Variants in ANO2 observed in about 807,000 individuals in gnomAD.
The protein encoded by ANO2 is anoctamin-2.
Under a neutral mutation model 124.2 loss-of-function variants are expected in ANO2, and 101 were observed. The observed-to-expected ratio is 0.81, with a 90% CI of 0.69 to 0.96. ANO2 has a LOEUF of 0.96. Ranked by LOEUF, ANO2 falls within the 40% of genes least tolerant of loss-of-function variation. ANO2 has a pLI of 0.00. For missense variants in ANO2, 1,293 were observed against 1,274.5 expected (o/e 1.01, Z -0.22); for synonymous variants, 486 against 482.5 (o/e 1.01, Z -0.09).
At chr12:5,762,800 A>G (rs757296434) in intron 10 of ANO2, among the ~76,000 whole-genome samples, 1 of 151,806 alleles carries the variant, frequency 6.6e-6, no homozygotes, top group Non-Finnish European at 1.5e-5. Context: ...TTAAACTGTC[A>G]AGACTTTCTT....
Position 5,575,753 on chromosome 12 carries a change from TGTAATTCTAGGTC to T in ANO2, c.2621+68_2621+80del, listed in dbSNP as rs1483356531. 2.7e-6 allele frequency: 4 copies of T among 1,466,876 alleles called. No homozygotes were observed. In the East Asian group the frequency reaches 9.3e-5, roughly 34 times the overall value. 90.9% of individuals were successfully genotyped at this position (1,466,876 alleles called of 1,614,324 possible). A position where few individuals can be genotyped will look rare whatever the true frequency, so the allele number is the denominator to read the frequency against. ...AAAACATCATCATGTTGTGCAGGGTTGTAATTCTAGGTCGTCCCCGTAATTATTTGGATCTATT... is the reference window on the plus strand; with the variant it reads ...AAAACATCATCATGTTGTGCAGGGTTGTCCCCGTAATTATTTGGATCTATT... On this transcript the variant is annotated intron_variant, in intron 23 of 24. Transcript: ENST00000682330.
In ANO2 at chr12:5,583,096, C is replaced by T. The variant is rs190419443; in HGVS notation, c.2234-4578G>A. ...TGTGGTGCCTATCACATAGCAGATG[C>T]TCAAAGATTATCTGTTTCATAAATC... On this transcript the variant is annotated intron_variant, in intron 20 of 24. Transcript: ENST00000682330. 5.1e-3 allele frequency among the ~76,000 whole-genome samples: 781 copies of T among 152,314 alleles called. 6 individuals are homozygous for T. Among genetic ancestry groups the T allele is most frequent in the African/African-American group, 0.018 (736 of 41,582 alleles).
Position 5,787,314 on chromosome 12 carries a change from C to T in ANO2, c.1055+12193G>A, listed in dbSNP as rs1952566649. Among the ~76,000 whole-genome samples the T allele has an allele frequency of 6.6e-6, 1 of 152,154 alleles. No homozygotes were observed. The highest frequency in any genetic ancestry group is 2.4e-5 in the African/African-American group (1 of 41,430). On this transcript the variant is annotated intron_variant, in intron 10 of 24. Coordinates refer to ENST00000682330, the MANE Select transcript of ANO2 (RefSeq NM_001364791.2). The surrounding 1 kb of genome is among the most constrained non-coding windows in gnomAD (Gnocchi z 4.2). ...ATAAGCCAAACCTTTCAATGATGTA[C>T]CCTTTCCTTAGGGTACGGTCCAAAA...
At position 5,873,482 on chromosome 12, in the gene ANO2, C is replaced by T. The variant is rs1243589863; in HGVS notation, c.535-19341G>A. Among the ~76,000 whole-genome samples the T allele has an allele frequency of 2.6e-5, 4 of 152,218 alleles. 1 individual carries two copies. The South Asian group carries it at 8.3e-4, about 32-fold the overall frequency. ...CCAGGACCCGTCCACATCCCCAACC[C>T]GTCCCTGCCTCGCTGGAGGAATTTG... On this transcript the variant is annotated intron_variant, in intron 3 of 24. Coordinates refer to ENST00000682330, the MANE Select transcript of ANO2 (RefSeq NM_001364791.2).
intron 14 of ANO2, among the ~76,000 whole-genome samples, chr12:5,656,147 G>T (rs1454051003): frequency 6.6e-6 from 1 of 152,176 alleles, no homozygotes; most frequent in African/African-American, 2.4e-5. Context: ...AGGGAACACA[G>T]GGTTGCAGTG....
At position 5,683,903 on chromosome 12, in the gene ANO2, A is replaced by G. The variant is rs114141283; in HGVS notation, c.1546-36102T>C. Among the ~76,000 whole-genome samples the G allele has an allele frequency of 7.0e-3, 1,059 of 150,962 alleles. 13 individuals carry two copies. Among genetic ancestry groups the G allele is most frequent in the African/African-American group, 0.025 (1,031 of 40,728 alleles). On this transcript the variant is annotated intron_variant, in intron 14 of 24. Coordinates refer to ENST00000682330, the MANE Select transcript of ANO2 (RefSeq NM_001364791.2). ...TGGCTCTTCCAAGGCTCAGCCTCCA[A>G]GCTGTCTTGTCTCCCCTCCTACTTT...
chr12:5,923,078 A>ACATACACG (rs1941811803), intron 1 of ANO2, among the ~76,000 whole-genome samples: 1 of 22,282 alleles, frequency 4.5e-5, no homozygotes, highest in Admixed American at 7.4e-4. Flanking sequence ...ACACATGCAC[A>ACATACACG]CATACACACA....
At chr12:5,924,483 C>T (rs114725896) in intron 1 of ANO2, among the ~76,000 whole-genome samples, 4,139 of 152,206 alleles carry the variant, frequency 0.027, 192 homozygotes, top group African/African-American at 0.094. Flanking sequence ...CCAGGAGGCA[C>T]GGGAGGCACT....
chr12:5,907,419 C>T (rs553516647), intron 3 of ANO2, among the ~76,000 whole-genome samples: 3 of 152,204 alleles, frequency 2.0e-5, no homozygotes. Flanking sequence ...TTCAAATAAC[C>T]AGTATTTGTG....
At chr12:5,657,849 TCTGA>T (rs1947238802) in intron 14 of ANO2, among the ~76,000 whole-genome samples, 1 of 152,160 alleles carries the variant, frequency 6.6e-6, no homozygotes, top group African/African-American at 2.4e-5. Context: ...GAGAGGGGAC[TCTGA>T]CTGCTTTCAC....
At chr12:5,597,168 G>A (rs1241518597) in intron 20 of ANO2, among the ~76,000 whole-genome samples, 1 of 151,984 alleles carries the variant, frequency 6.6e-6, no homozygotes, top group East Asian at 1.9e-4. Flanking sequence ...GTGTCATGGG[G>A]GTTTGTTGTA....
At chr12:5,863,523 T>C (rs554138768) in intron 3 of ANO2, among the ~76,000 whole-genome samples, 3 of 152,282 alleles carry the variant, frequency 2.0e-5, no homozygotes, top group South Asian at 4.1e-4. Context: ...TGTTAAATAA[T>C]TGTAATAATT....
intron 20 of ANO2, among the ~76,000 whole-genome samples, chr12:5,588,295 C>T (rs1312187165): frequency 6.6e-6 from 1 of 152,188 alleles, no homozygotes; most frequent in Non-Finnish European, 1.5e-5. Context: ...GTTCGAAGTC[C>T]AAGACATGGG....
intron 3 of ANO2, among the ~76,000 whole-genome samples, chr12:5,897,728 C>T (rs1299678453): frequency 1.5e-5 from 2 of 130,432 alleles, no homozygotes; most frequent in African/African-American, 6.8e-5. Flanking sequence ...CCTCATGCCA[C>T]ATACAGACCA....
chr12:5,847,437 T>C (rs1323999127), intron 4 of ANO2, among the ~76,000 whole-genome samples: 22 of 118,584 alleles, frequency 1.9e-4, no homozygotes. Context: ...CAATTCCTCA[T>C]AACACCTCTG....
chr12:5,750,067 A>G (rs1000164019), intron 11 of ANO2, among the ~76,000 whole-genome samples: 2 of 151,900 alleles, frequency 1.3e-5, no homozygotes, highest in Admixed American at 6.6e-5. Context: ...ATTAGCTGGG[A>G]CTACAGGTAC....
At chr12:5,739,435 T>C (rs768436500) in intron 12 of ANO2, 36 bp from the exon 13 acceptor site, 1 of 1,542,938 alleles carries the variant, frequency 6.5e-7, no homozygotes, top group Non-Finnish European at 8.8e-7. Context: ...ACCTTGATTA[T>C]TTTTGAAGAG....
rs1334306416 is a variant in ANO2 at position 5,647,932 on chromosome 12, C to A, written c.1546-131G>T. On this transcript the variant is annotated intron_variant, in intron 14 of 24. Transcript: ENST00000682330. Reference sequence around the variant, plus strand: ...ATAGATATATTTCTAGTCACTGATGCCTTACTCTCCATATCAACAACTGCC... The same window carrying A: ...ATAGATATATTTCTAGTCACTGATGACTTACTCTCCATATCAACAACTGCC... The A allele has an allele frequency of 1.1e-5, 8 of 697,446 alleles. No individual in the cohort carries two copies. In the Admixed American group the frequency reaches 1.2e-4, roughly 10 times the overall value. The allele number at this position is 697,446 out of a possible 1,614,324, so 43.2% of individuals were successfully genotyped here. A position where few individuals can be genotyped will look rare whatever the true frequency, so the allele number is the denominator to read the frequency against.
chr12:5,601,956 G>A (rs1943961238), intron 19 of ANO2, among the ~76,000 whole-genome samples: 1 of 152,306 alleles, frequency 6.6e-6, no homozygotes, highest in East Asian at 1.9e-4. Flanking sequence ...CTCAGGAGTT[G>A]GAGGCACCAG....
Sources: allele counts gnomAD v4.1 joint callset (sites outside exome capture counted in the v4.1 genomes callset), GRCh38; gene constraint gnomAD v4.1.1; non-coding constraint Gnocchi (gnomAD v3.1); transcripts MANE v1.5; gene names NCBI Gene and HGNC (gene_info 2026-07-23, HGNC 2026-07-21).